Variants in MORC1 observed in about 807,000 individuals in gnomAD.
MORC1 encodes the protein MORC family CW-type zinc finger protein 1.
Under a neutral mutation model 134.9 loss-of-function variants are expected in MORC1, and 59 were observed. The ratio of observed to expected loss-of-function variants is 0.44; its 90% CI spans 0.35 to 0.54. The LOEUF is 0.54. Ranked by LOEUF, MORC1 falls within the 20% of genes least tolerant of loss-of-function variation. MORC1 has a pLI of 0.00. For synonymous variants in MORC1, 395 were observed against 391.7 expected (o/e 1.01, Z -0.10); for missense variants, 947 against 1,134.5 (o/e 0.83, Z 2.37).
At chr3:109,069,230 C>T (rs1950263812) in intron 9 of MORC1, among the ~76,000 whole-genome samples, 1 of 152,074 alleles carries the variant, frequency 6.6e-6, no homozygotes. Flanking sequence ...CAACCAGATA[C>T]ATATTTATAA....
chr3:109,052,046 C>T (rs914672699), intron 14 of MORC1, among the ~76,000 whole-genome samples: 10 of 152,110 alleles, frequency 6.6e-5, no homozygotes, highest in Admixed American at 2.6e-4. Flanking sequence ...CGGATTACAG[C>T]GAAGACAAGA....
chr3:109,101,980 G>A (rs1950935522), intron 4 of MORC1, among the ~76,000 whole-genome samples: 1 of 152,170 alleles, frequency 6.6e-6, no homozygotes, highest in African/African-American at 2.4e-5. Context: ...TCTGAGCATG[G>A]GAATAAACCA....
At chr3:109,063,042 T>G in intron 10 of MORC1, 110 bp downstream of exon 10, 1 of 675,290 alleles carries the variant, frequency 1.5e-6, no homozygotes, top group South Asian at 2.8e-5. Context: ...TTTAATTAAT[T>G]GTAGTAGCTC....
intron 14 of MORC1, among the ~76,000 whole-genome samples, chr3:109,038,749 G>T (rs1162948593): frequency 1.3e-5 from 2 of 152,194 alleles, no homozygotes; most frequent in Non-Finnish European, 2.9e-5. Flanking sequence ...GATGGTTGCA[G>T]ATGTGTGGTG....
At chr3:109,115,688 A>G (rs1012686518) in intron 1 of MORC1, among the ~76,000 whole-genome samples, 4 of 152,256 alleles carry the variant, frequency 2.6e-5, no homozygotes, top group African/African-American at 9.6e-5. Context: ...AAAATGTCAT[A>G]TGAATTTCTG....
chr3:109,048,536 C>G (rs529745424), intron 14 of MORC1, among the ~76,000 whole-genome samples: 1 of 152,074 alleles, frequency 6.6e-6, no homozygotes, highest in Non-Finnish European at 1.5e-5. Flanking sequence ...TTTGAAATCT[C>G]CCATATGTAT....
chr3:108,989,450 G>A (rs1947986334), intron 21 of MORC1, among the ~76,000 whole-genome samples: 1 of 152,108 alleles, frequency 6.6e-6, no homozygotes, highest in African/African-American at 2.4e-5. Context: ...CAAGGGATGT[G>A]ATGGATCAAC....
intron 17 of MORC1, among the ~76,000 whole-genome samples, chr3:109,014,307 T>C (rs1380788705): frequency 2.0e-5 from 3 of 152,206 alleles, no homozygotes; most frequent in Non-Finnish European, 2.9e-5. Context: ...CAATTATTTG[T>C]TTTTATCTGT....
chr3:109,098,071 T>C (rs72935395), intron 6 of MORC1, among the ~76,000 whole-genome samples: 2,035 of 152,192 alleles, frequency 0.013, 29 homozygotes, highest in African/African-American at 0.036. Context: ...AGGCCATTTA[T>C]TTTTATTTTT....
rs1428168672 is a variant in MORC1 at position 109,035,486 on chromosome 3, AGGCAAAGAATAAC to A, written c.1331-31_1331-19del. On this transcript the variant is annotated intron_variant, in intron 14 of 27. Coordinates refer to ENST00000232603, the MANE Select transcript of MORC1 (RefSeq NM_014429.4). ...TCTATTATCTTTTAAAAAAAAAAGCAGGCAAAGAATAACAAAAAAAAATCATTAAAATCAAAAC... is the reference window on the plus strand; with the variant it reads ...TCTATTATCTTTTAAAAAAAAAAGCAAAAAAAAAATCATTAAAATCAAAAC... 7.3e-7 allele frequency: 1 copy of A among 1,365,644 alleles called. No homozygotes were observed. Among genetic ancestry groups the A allele is most frequent in the East Asian group, 2.5e-5 (1 of 39,756 alleles). 84.6% of individuals were successfully genotyped at this position (1,365,644 alleles called of 1,614,324 possible).
intron 8 of MORC1, among the ~76,000 whole-genome samples, chr3:109,085,426 A>C (rs1185179628): frequency 6.6e-6 from 1 of 152,142 alleles, no homozygotes; most frequent in Non-Finnish European, 1.5e-5. Flanking sequence ...AATACCAAAT[A>C]ATCTTATTTT....
chr3:109,024,925 T>C (rs1053163928), intron 17 of MORC1, among the ~76,000 whole-genome samples: 1 of 152,212 alleles, frequency 6.6e-6, no homozygotes, highest in African/African-American at 2.4e-5. Context: ...CTAAAGGGTT[T>C]TAGAATGAGG....
chr3:109,060,597 T>C (rs534867186), intron 11 of MORC1, among the ~76,000 whole-genome samples: 9 of 152,258 alleles, frequency 5.9e-5, no homozygotes, highest in African/African-American at 1.7e-4. Flanking sequence ...CTATTTTCAC[T>C]GAATTTCAAG....
intron 20 of MORC1, among the ~76,000 whole-genome samples, chr3:109,003,391 G>GCACA (rs3054383): frequency 0.19 from 27,280 of 146,586 alleles, 3,144 homozygotes; most frequent in Admixed American, 0.28. Context: ...ATATGTGTAT[G>GCACA]CACACACACA....
At chr3:109,072,024 GT>G (rs1950330075) in intron 8 of MORC1, among the ~76,000 whole-genome samples, 1 of 151,692 alleles carries the variant, frequency 6.6e-6, no homozygotes, top group Non-Finnish European at 1.5e-5. Flanking sequence ...AGAAGTTCCT[GT>G]TTATTTGTGA....
At position 109,000,611 on chromosome 3, in the gene MORC1, C is replaced by T; in HGVS notation, c.2133G>A (p.Glu711=). 6.2e-7 allele frequency: 1 copy of T among 1,611,592 alleles called. No homozygotes were observed. The part of the protein sequence containing the change: ...MKRKQSLNFV[E]ECKVLTEDEN... Reference sequence around the variant, plus strand: ...CATCTTCAGTCAATACCTTACATTCCTCTACAAAGTTCAGACTCTGCTTCC... The same window carrying T: ...CATCTTCAGTCAATACCTTACATTCTTCTACAAAGTTCAGACTCTGCTTCC... Residue 711 remains glutamate, a synonymous_variant, in exon 21 of 28, where the codon GAG becomes GAA. Coordinates refer to ENST00000232603, the MANE Select transcript of MORC1 (RefSeq NM_014429.4).
chr3:109,092,785 C>T lies in MORC1; in HGVS notation c.689+651G>A, dbSNP rs116106681. Reference sequence around the variant, plus strand: ...TACAACACTGAAATACAAAATAAATCGCACTGGATTAAATTACCTTTACAA... The same window carrying T: ...TACAACACTGAAATACAAAATAAATTGCACTGGATTAAATTACCTTTACAA... On this transcript the variant is annotated intron_variant, in intron 8 of 27. Coordinates refer to ENST00000232603, the MANE Select transcript of MORC1 (RefSeq NM_014429.4). Among the ~76,000 whole-genome samples, 747 of 152,196 alleles carry T rather than the reference C, an allele frequency of 4.9e-3. 6 individuals are homozygous for T. The highest frequency in any genetic ancestry group is 0.015 in the African/African-American group (606 of 41,530).
chr3:108,981,129 C>G (rs1009055167), intron 23 of MORC1, among the ~76,000 whole-genome samples: 2 of 151,990 alleles, frequency 1.3e-5, no homozygotes, highest in Admixed American at 6.6e-5. Flanking sequence ...GGGGGCAGTA[C>G]GACATGGGAA....
At chr3:109,091,097 T>C (rs1950713685) in intron 8 of MORC1, among the ~76,000 whole-genome samples, 1 of 152,216 alleles carries the variant, frequency 6.6e-6, no homozygotes, top group South Asian at 2.1e-4. Flanking sequence ...GACCACACCA[T>C]TATCCATAAC....
Sources: gnomAD v4.1 joint callset for allele counts (sites outside exome capture counted in the v4.1 genomes callset) on GRCh38, gnomAD v4.1.1 for gene constraint, MANE v1.5 for transcripts, NCBI Gene and HGNC (gene_info 2026-07-23, HGNC 2026-07-21) for gene names.